The following RTN4R variants were observed in gnomAD, a reference collection of about 807,000 sequenced individuals.
RTN4R encodes the protein reticulon-4 receptor.
A neutral mutation model predicts 27.7 loss-of-function variants in RTN4R; 4 were observed. The observed-to-expected ratio is 0.14, with a 90% CI of 0.07 to 0.33. The LOEUF is 0.33. Ranked by LOEUF, RTN4R falls within the 10% of genes least tolerant of loss-of-function variation. The pLI is 1.00. For synonymous variants in RTN4R, 290 were observed against 305.6 expected (o/e 0.95, Z 0.53); for missense variants, 554 against 671.5 (o/e 0.83, Z 1.93).
chr22:20,260,761 G>A (rs1423118018), intron 1 of RTN4R, among the ~76,000 whole-genome samples: 1 of 152,144 alleles, frequency 6.6e-6, no homozygotes, highest in Non-Finnish European at 1.5e-5. Context: ...CAGCACAAGT[G>A]AAGGGCGGGA....
Position 20,268,152 on chromosome 22 carries a change from TC to T in RTN4R, c.-61del. On this transcript the variant is annotated 5_prime_UTR_variant, in exon 1 of 2. Transcript: ENST00000043402. Reference sequence around the variant, plus strand: ...AGTCGTTTCGGGGCGGGCGCCCGTCTCCCCGCGGCCGGGTCCGCATCCAGGC... The same window carrying T: ...AGTCGTTTCGGGGCGGGCGCCCGTCTCCCGCGGCCGGGTCCGCATCCAGGC... The T allele has an allele frequency of 2.3e-6, 2 of 877,234 alleles. No individual in the cohort carries two copies. Among genetic ancestry groups the T allele is most frequent in the Non-Finnish European group, 2.8e-6 (2 of 721,596 alleles). The allele number at this position is 877,234 out of a possible 1,614,324, so 54.3% of individuals were successfully genotyped here.
At chr22:20,246,236 G>A (rs769373530) in intron 1 of RTN4R, among the ~76,000 whole-genome samples, 5 of 152,170 alleles carry the variant, frequency 3.3e-5, no homozygotes, top group South Asian at 2.1e-4. Context: ...GACAGTGACC[G>A]GATACTGACC....
At chr22:20,252,101 C>A (rs1389650109) in intron 1 of RTN4R, among the ~76,000 whole-genome samples, 2 of 139,702 alleles carry the variant, frequency 1.4e-5, no homozygotes, top group Non-Finnish European at 3.2e-5. Context: ...GTCCTCATCA[C>A]CATCACCGCC....
rs576069209 is a variant in RTN4R, at chr22:20,242,547, G to A, written c.586C>T (p.Arg196Cys). 3.0e-5 allele frequency: 48 copies of A among 1,613,528 alleles called. No homozygotes were observed. Among genetic ancestry groups the A allele is most frequent in the East Asian group, 8.9e-5 (4 of 44,884 alleles). Residue 196 changes from arginine (R) to cysteine (C), a missense_variant, in exon 2 of 2, where the codon CGC becomes TGC. Transcript: ENST00000043402. ...AGGCTGTGCAGCCCACGGAAGGCGCGCTCGGGCACGCTGGAGATGCGGTTG... is the reference window on the plus strand; with the variant it reads ...AGGCTGTGCAGCCCACGGAAGGCGCACTCGGGCACGCTGGAGATGCGGTTG... ...HGNRISSVPE[R>C]AFRGLHSLDR...
At chr22:20,258,964 G>T (rs139905685) in intron 1 of RTN4R, among the ~76,000 whole-genome samples, 2 of 151,768 alleles carry the variant, frequency 1.3e-5, no homozygotes, top group Non-Finnish European at 2.9e-5. Flanking sequence ...GGGTGGAGGC[G>T]CTGGACCAAG....
At chr22:20,250,850 T>C (rs571753990) in intron 1 of RTN4R, among the ~76,000 whole-genome samples, 7 of 146,618 alleles carry the variant, frequency 4.8e-5, no homozygotes, top group African/African-American at 1.7e-4. Flanking sequence ...CACACACACA[T>C]GCATGCACAC....
intron 1 of RTN4R, among the ~76,000 whole-genome samples, chr22:20,250,847 A>G (rs1472536478): frequency 1.3e-5 from 2 of 148,634 alleles, no homozygotes; most frequent in African/African-American, 2.5e-5. Context: ...ACACACACAC[A>G]CATGCATGCA....
chr22:20,243,822 A>C, intron 1 of RTN4R: 1 of 266,080 alleles, frequency 3.8e-6, no homozygotes, highest in Non-Finnish European at 7.7e-6. Context: ...AGCTGCCTGC[A>C]CCCCTCCCAC....
chr22:20,245,461 G>A (rs993777324), intron 1 of RTN4R, among the ~76,000 whole-genome samples: 4 of 152,072 alleles, frequency 2.6e-5, no homozygotes, highest in Non-Finnish European at 5.9e-5. Flanking sequence ...CTTCACAGCC[G>A]GGGCCCTGGG....
At position 20,255,416 on chromosome 22, in the gene RTN4R, G is replaced by C. The variant is rs1160422889; in HGVS notation, c.23-12306C>G. On this transcript the variant is annotated intron_variant, in intron 1 of 1. Coordinates refer to ENST00000043402, the MANE Select transcript of RTN4R (RefSeq NM_023004.6). The surrounding 1 kb of genome is among the most constrained non-coding windows in gnomAD (Gnocchi z 4.8). ...TACAGCCCCAGGGCAGCTGGCATCT[G>C]GCCAGGGAGGATCCACATGCTGCTT... 6.6e-6 allele frequency among the ~76,000 whole-genome samples: 1 copy of C among 152,228 alleles called. No individual in the cohort carries two copies. Among genetic ancestry groups the C allele is most frequent in the Admixed American group, 6.5e-5 (1 of 15,292 alleles).
At position 20,263,284 on chromosome 22, in the gene RTN4R, G is replaced by A. The variant is rs529286955; in HGVS notation, c.22+4787C>T. On this transcript the variant is annotated intron_variant, in intron 1 of 1. Transcript: ENST00000043402. ...GGTCCTCCGGGGCACTTCAACCACT[G>A]TTTCCCAAAACAGGTTCCTGGGCAC... Among the ~76,000 whole-genome samples the A allele has an allele frequency of 5.3e-5, 8 of 152,104 alleles. No individual in the cohort carries two copies. In the East Asian group the frequency reaches 9.7e-4, roughly 18 times the overall value.
intron 1 of RTN4R, among the ~76,000 whole-genome samples, chr22:20,261,019 G>A (rs1254342984): frequency 6.6e-6 from 1 of 152,156 alleles, no homozygotes; most frequent in Non-Finnish European, 1.5e-5. Flanking sequence ...GGCTCCCCTG[G>A]CATGAACTAA....
At chr22:20,253,115 C>T (rs1410391070) in intron 1 of RTN4R, among the ~76,000 whole-genome samples, 1 of 152,180 alleles carries the variant, frequency 6.6e-6, no homozygotes, top group Non-Finnish European at 1.5e-5. Flanking sequence ...AGTAGCCCTG[C>T]TTTATTGAGG....
At chr22:20,265,938 G>A (rs907491298) in intron 1 of RTN4R, among the ~76,000 whole-genome samples, 9 of 152,192 alleles carry the variant, frequency 5.9e-5, no homozygotes, top group Non-Finnish European at 1.2e-4. Flanking sequence ...GCAGAGAGGC[G>A]ACCTGTCACA....
chr22:20,248,184 A>C (rs1283876079), intron 1 of RTN4R, among the ~76,000 whole-genome samples: 1 of 152,238 alleles, frequency 6.6e-6, no homozygotes, highest in Non-Finnish European at 1.5e-5. Flanking sequence ...ACCATATGCT[A>C]CTTACAAGAA....
At chr22:20,244,489 G>T (rs1034766150) in intron 1 of RTN4R, among the ~76,000 whole-genome samples, 4 of 152,216 alleles carry the variant, frequency 2.6e-5, no homozygotes, top group Non-Finnish European at 5.9e-5. Context: ...CACAGCCTGG[G>T]GGCCTCCTCT....
At chr22:20,247,375 G>C (rs1228948126) in intron 1 of RTN4R, among the ~76,000 whole-genome samples, 1 of 151,974 alleles carries the variant, frequency 6.6e-6, no homozygotes, top group Admixed American at 6.5e-5. Context: ...GCTCCAGGCG[G>C]GGGTGGCGGG....
intron 1 of RTN4R, among the ~76,000 whole-genome samples, chr22:20,260,565 T>C (rs907634155): frequency 1.4e-4 from 21 of 152,270 alleles, no homozygotes; most frequent in African/African-American, 4.8e-4. Flanking sequence ...GCCGTGCTGG[T>C]AGCTGGCCAG....
At chr22:20,254,641 G>T (rs1184146989) in intron 1 of RTN4R, among the ~76,000 whole-genome samples, 4 of 151,930 alleles carry the variant, frequency 2.6e-5, no homozygotes, top group African/African-American at 9.7e-5. Context: ...TTTAGAGAGT[G>T]AGTCAGGCTT....
Sources: allele counts gnomAD v4.1 joint callset (sites outside exome capture counted in the v4.1 genomes callset), GRCh38; gene constraint gnomAD v4.1.1; non-coding constraint Gnocchi (gnomAD v3.1); transcripts MANE v1.5; gene names NCBI Gene and HGNC (gene_info 2026-07-23, HGNC 2026-07-21).